Variants in PCDHA11 observed in about 807,000 individuals in gnomAD.
The protein encoded by PCDHA11 is protocadherin alpha 11.
Under a neutral mutation model 70.3 loss-of-function variants are expected in PCDHA11, and 61 were observed. The observed-to-expected ratio is 0.87, with a 90% CI of 0.71 to 1.07. The LOEUF is 1.07. Among genes scored for constraint, PCDHA11 ranks in the 50% least tolerant of loss-of-function variants. The pLI is 0.00. For synonymous variants in PCDHA11, 633 were observed against 555.1 expected, an observed-to-expected ratio of 1.14 and a Z score of -1.97; for missense variants, 1,324 against 1,237.5, an observed-to-expected ratio of 1.07 and a Z score of -1.05.
At chr5:140,877,816 GATT>G (rs2057354449) in intron 1 of PCDHA11, 1 of 1,609,196 alleles carries the variant, frequency 6.2e-7, no homozygotes, top group East Asian at 2.2e-5. Flanking sequence ...GTCTCGAGAA[GATT>G]GTTTAAATCC....
At chr5:140,895,481 A>G (rs1344099308) in intron 1 of PCDHA11, among the ~76,000 whole-genome samples, 1 of 152,168 alleles carries the variant, frequency 6.6e-6, no homozygotes, top group African/African-American at 2.4e-5. Flanking sequence ...CTTCGGAGAA[A>G]TACCTATTCA....
chr5:140,926,351 C>T (rs1301072681), intron 1 of PCDHA11: 2 of 152,276 alleles, frequency 1.3e-5, no homozygotes, highest in African/African-American at 4.8e-5. Flanking sequence ...CGACGCGCGG[C>T]TCCCAAAGGG....
Position 141,012,131 on chromosome 5 carries a change from G to A in PCDHA11, c.*2194G>A, listed in dbSNP as rs1214098938. The A allele has an allele frequency of 1.3e-5, 2 of 153,688 alleles. No individual in the cohort carries two copies. The highest frequency in any genetic ancestry group is 2.9e-5 in the Non-Finnish European group (2 of 68,026). 9.5% of individuals were successfully genotyped at this position (153,688 alleles called of 1,614,324 possible). A position where few individuals can be genotyped will look rare whatever the true frequency, so the allele number is the denominator to read the frequency against. ...CTGAAGCCCATGTATCTGACCTTAC[G>A]TGCCTTTTGAACTAGGAGAATCGGG... On this transcript the variant is annotated 3_prime_UTR_variant, in exon 4 of 4. Transcript: ENST00000398640.
chr5:140,869,840 A>G lies in PCDHA11; in HGVS notation c.737A>G (p.Glu246Gly), dbSNP rs782569950. 32 of 1,611,616 alleles carry G rather than the reference A, an allele frequency of 2.0e-5. No homozygotes were observed. Among genetic ancestry groups the G allele is most frequent in the Non-Finnish European group, 2.6e-5 (31 of 1,178,806 alleles). Reference sequence around the variant, plus strand: ...AATGATCCAGAGTTTGATAAATCAGAATATAAGGTGAGCCTTATGGAAAAT... The same window carrying G: ...AATGATCCAGAGTTTGATAAATCAGGATATAAGGTGAGCCTTATGGAAAAT... ...NDNDPEFDKS[E>G]YKVSLMENAA... Residue 246 changes from glutamate to glycine, a missense_variant, in exon 1 of 4, where the codon GAA becomes GGA. By Grantham distance (98) the Glu-to-Gly change is moderately conservative (BLOSUM62 -2). Coordinates refer to ENST00000398640, the MANE Select transcript of PCDHA11 (RefSeq NM_018902.5).
At chr5:140,875,958 C>A in intron 1 of PCDHA11, 1 of 1,614,080 alleles carries the variant, frequency 6.2e-7, no homozygotes, top group Middle Eastern at 1.6e-4. Context: ...ATGCGGATAT[C>A]GGCGTAAACT....
At chr5:141,009,439 G>A (rs187486568) in intron 3 of PCDHA11, among the ~76,000 whole-genome samples, 188 bp from the exon 4 acceptor site, 1 of 152,244 alleles carries the variant, frequency 6.6e-6, no homozygotes, top group East Asian at 1.9e-4. Context: ...GGGAAATCCT[G>A]TCTCAAAAAA....
chr5:140,870,654 C>A lies in PCDHA11; in HGVS notation c.1551C>A (p.Tyr517Ter). The A allele has an allele frequency of 1.2e-6, 2 of 1,612,562 alleles. No homozygotes were observed. The highest frequency in any genetic ancestry group is 1.7e-6 in the Non-Finnish European group (2 of 1,179,772). ...TGCACGCGGAGAGCGGCAAGGTGTACGCGCTGCAGCCGTTGGACCACGAGG... is the reference window on the plus strand; with the variant it reads ...TGCACGCGGAGAGCGGCAAGGTGTAAGCGCTGCAGCCGTTGGACCACGAGG... The part of the protein sequence containing the change: ...VSVHAESGKV[Y>*]ALQPLDHEEL... The change falls in exon 1 of 4, where the codon TAC becomes TAA. Residue 517 changes from tyrosine (Y) to a stop codon, truncating the protein, a stop_gained. Coordinates refer to ENST00000398640, the MANE Select transcript of PCDHA11 (RefSeq NM_018902.5). LOFTEE classifies it high-confidence loss of function.
At chr5:141,005,944 C>T (rs1563696119) in intron 3 of PCDHA11, among the ~76,000 whole-genome samples, 1 of 151,862 alleles carries the variant, frequency 6.6e-6, no homozygotes, top group African/African-American at 2.4e-5. Context: ...GAGAACCTAT[C>T]TCTAACAAAC....
rs781918898 is a variant in PCDHA11, at chr5:140,870,465, C to T, written c.1362C>T (p.Phe454=). The T allele has an allele frequency of 6.2e-7, 1 of 1,614,208 alleles. No individual in the cohort carries two copies. The highest frequency in any genetic ancestry group is 8.5e-7 in the Non-Finnish European group (1 of 1,180,044). The change falls in exon 1 of 4, where the codon TTC becomes TTT. Residue 454 remains phenylalanine, a synonymous_variant. Coordinates refer to ENST00000398640, the MANE Select transcript of PCDHA11 (RefSeq NM_018902.5). ...ACGTGAACGACAATGCGCCTGCGTT[C>T]GCACAGCCCGAGTACACCGTGTTCG... ...VADVNDNAPA[F]AQPEYTVFVK...
intron 3 of PCDHA11, among the ~76,000 whole-genome samples, chr5:141,007,395 C>CAAAAAAAAA (rs35800918): frequency 8.4e-5 from 8 of 94,856 alleles, no homozygotes; most frequent in East Asian, 2.9e-4. Context: ...TACTAAAATA[C>CAAAAAAAAA]AAAAAAAAAA....
At chr5:140,965,703 G>T (rs1280783019) in intron 1 of PCDHA11, among the ~76,000 whole-genome samples, 1 of 152,178 alleles carries the variant, frequency 6.6e-6, no homozygotes, top group Non-Finnish European at 1.5e-5. Flanking sequence ...GAAAAAGCTT[G>T]AGAGAAGAAT....
At chr5:141,007,325 C>G (rs1303133451) in intron 3 of PCDHA11, among the ~76,000 whole-genome samples, 2 of 145,322 alleles carry the variant, frequency 1.4e-5, no homozygotes, top group Non-Finnish European at 3.0e-5. Flanking sequence ...CTAAAGTGGA[C>G]AGATTGCCTG....
At chr5:140,959,883 C>T (rs535578218) in intron 1 of PCDHA11, among the ~76,000 whole-genome samples, 4 of 152,222 alleles carry the variant, frequency 2.6e-5, no homozygotes, top group South Asian at 2.1e-4. Flanking sequence ...AAGGAATACA[C>T]GAGTGGGATT....
chr5:140,884,395 C>A, intron 1 of PCDHA11: 1 of 1,614,000 alleles, frequency 6.2e-7, no homozygotes, highest in Non-Finnish European at 8.5e-7. Flanking sequence ...CGGTGTCCAG[C>A]CTGTTGGTGC....
rs782676713 is a variant in PCDHA11 at position 140,968,215 on chromosome 5, G to A, written c.2392-10734G>A. 3 of 1,613,862 alleles carry A rather than the reference G, an allele frequency of 1.9e-6. 1 individual carries two copies. The highest frequency in any genetic ancestry group is 2.5e-6 in the Non-Finnish European group (3 of 1,180,046). On this transcript the variant is annotated intron_variant, in intron 1 of 3. Transcript: ENST00000398640. ...CCATCTACATACAGGAGAACAATTT[G>A]CCAGGTGTGTTGCTCTGTACTGTGC... is the stretch of plus-strand genomic sequence containing the variant.
chr5:140,884,750 A>G, intron 1 of PCDHA11: 1 of 1,431,238 alleles, frequency 7.0e-7, no homozygotes, highest in Non-Finnish European at 9.2e-7. Flanking sequence ...TGCCAATTTC[A>G]AATTATTCTT....
chr5:140,927,272 G>A lies in PCDHA11; in HGVS notation c.2392-51677G>A, dbSNP rs782403423. 3.7e-6 allele frequency: 6 copies of A among 1,613,966 alleles called. No homozygotes were observed. Among genetic ancestry groups the A allele is most frequent in the African/African-American group, 1.3e-5 (1 of 74,910 alleles). ...GACAACTCACCTCTCTTTCCTGCCG[G>A]CGACGTGCAGCTGCACATCCCCGAG... On this transcript the variant is annotated intron_variant, in intron 1 of 3. Transcript: ENST00000398640.
At chr5:140,944,642 T>C (rs535941591) in intron 1 of PCDHA11, among the ~76,000 whole-genome samples, 35 of 152,342 alleles carry the variant, frequency 2.3e-4, no homozygotes, top group African/African-American at 7.9e-4. Context: ...CCAGTGTGGA[T>C]TGGGAGTCCA....
chr5:140,997,409 A>G (rs1378198322), intron 3 of PCDHA11, among the ~76,000 whole-genome samples: 2 of 152,180 alleles, frequency 1.3e-5, no homozygotes, highest in Non-Finnish European at 1.5e-5. Flanking sequence ...CGTATGGCCT[A>G]TTTCTCCTAG....
Sources: gnomAD v4.1 joint callset for allele counts (sites outside exome capture counted in the v4.1 genomes callset) on GRCh38, gnomAD v4.1.1 for gene constraint, MANE v1.5 for transcripts, NCBI Gene and HGNC (gene_info 2026-07-23, HGNC 2026-07-21) for gene names.